Variants in MYO5A observed in about 807,000 individuals in gnomAD.
MYO5A encodes myosin VA.
In MYO5A, 98 loss-of-function variants were observed where a neutral mutation model predicts 249.7. The ratio of observed to expected loss-of-function variants is 0.39; its 90% CI spans 0.33 to 0.46. The LOEUF (loss-of-function observed/expected upper bound fraction) is 0.46. Ranked by LOEUF, MYO5A falls within the 20% of genes least tolerant of loss-of-function variation. The pLI is 0.98. For missense variants in MYO5A, 1,696 were observed against 2,308.8 expected, an observed-to-expected ratio of 0.73 and a Z score of 5.44; for synonymous variants, 778 against 810.6, an observed-to-expected ratio of 0.96 and a Z score of 0.68.
chr15:52,424,774 CTAT>C (rs1165471177), intron 4 of MYO5A, among the ~76,000 whole-genome samples: 3 of 152,122 alleles, frequency 2.0e-5, no homozygotes, highest in Non-Finnish European at 1.5e-5. Context: ...TAAACTTAAA[CTAT>C]TCTTCTACAC....
intron 5 of MYO5A, among the ~76,000 whole-genome samples, chr15:52,414,278 G>C (rs2043377515): frequency 6.6e-6 from 1 of 152,158 alleles, no homozygotes; most frequent in Non-Finnish European, 1.5e-5. Context: ...GCAGATGCCA[G>C]AGCCATGCTT....
intron 1 of MYO5A, chr15:52,505,041 T>A: frequency 2.0e-6 from 1 of 502,506 alleles, no homozygotes; most frequent in South Asian, 2.2e-5. Context: ...TCCCATTATC[T>A]TCGGGAGCTG....
intron 14 of MYO5A, among the ~76,000 whole-genome samples, chr15:52,386,981 A>G (rs1365266592): frequency 6.6e-6 from 1 of 152,266 alleles, no homozygotes; most frequent in Non-Finnish European, 1.5e-5. Context: ...CACTGAAGTT[A>G]AAAAGATTCT....
intron 2 of MYO5A, 34 bp from the exon 3 acceptor site, chr15:52,428,603 T>C (rs1432269813): frequency 6.2e-7 from 1 of 1,610,846 alleles, no homozygotes; most frequent in East Asian, 2.2e-5. Context: ...TCTGGATGAA[T>C]TATGGCAAGG....
In MYO5A at chr15:52,313,643, G is replaced by A; in HGVS notation, c.*53C>T. On this transcript the variant is annotated 3_prime_UTR_variant, in exon 42 of 42. Transcript: ENST00000399233. ...TTTCAGTAACTCACTGGAAATAATG[G>A]GTTCTTATTTCGGGCAAGAAATGTA... The A allele has an allele frequency of 6.3e-7, 1 of 1,590,954 alleles. No individual in the cohort carries two copies. Among genetic ancestry groups the A allele is most frequent in the Non-Finnish European group, 8.6e-7 (1 of 1,159,422 alleles).
At chr15:52,527,310 C>T (rs2077746116) in intron 1 of MYO5A, among the ~76,000 whole-genome samples, 1 of 152,218 alleles carries the variant, frequency 6.6e-6, no homozygotes, top group African/African-American at 2.4e-5. Context: ...GTACCTGGCA[C>T]ATAGCAAGCA....
chr15:52,350,025 C>T (rs939697969), intron 28 of MYO5A, among the ~76,000 whole-genome samples: 3 of 152,248 alleles, frequency 2.0e-5, no homozygotes, highest in African/African-American at 7.2e-5. Context: ...CTCCGCCTCC[C>T]AGGTTCACGC....
chr15:52,433,753 A>G (rs1319674996), intron 1 of MYO5A, among the ~76,000 whole-genome samples: 1 of 152,096 alleles, frequency 6.6e-6, no homozygotes, highest in African/African-American at 2.4e-5. Flanking sequence ...TAAACAAAAA[A>G]TATTTTAGCT....
rs112744755 is a variant in MYO5A at position 52,485,003 on chromosome 15, T to G, written c.27+43777A>C. ...TCCCAAAGTGCTGGGATTACAGGTG[T>G]AAGCCACCGCACCCAGCCTCAATGT... On this transcript the variant is annotated intron_variant, in intron 1 of 41. Coordinates refer to ENST00000399233, the MANE Select transcript of MYO5A (RefSeq NM_001382347.1). 8.1e-4 allele frequency among the ~76,000 whole-genome samples: 123 copies of G among 152,268 alleles called. 1 individual carries two copies. Among genetic ancestry groups the G allele is most frequent in the African/African-American group, 2.7e-3 (114 of 41,562 alleles).
At chr15:52,405,253 A>G (rs1567094870) in intron 9 of MYO5A, 34 bp downstream of exon 9, 1 of 1,440,868 alleles carries the variant, frequency 6.9e-7, no homozygotes, top group East Asian at 2.3e-5. Context: ...ACATAATTCA[A>G]CTGCCATCCC....
At chr15:52,505,524 T>C in intron 1 of MYO5A, 3 of 1,547,224 alleles carry the variant, frequency 1.9e-6, no homozygotes, top group Non-Finnish European at 2.7e-6. Context: ...AGGAAGAAAG[T>C]GAAGAAGCAA....
intron 5 of MYO5A, 53 bp downstream of exon 5, chr15:52,416,092 C>A: frequency 6.2e-7 from 1 of 1,601,912 alleles, no homozygotes; most frequent in Non-Finnish European, 8.6e-7. Flanking sequence ...ATTTTTTGAG[C>A]ATGTTTCTTA....
At chr15:52,323,072 G>A (rs897866476) in intron 37 of MYO5A, among the ~76,000 whole-genome samples, 10 of 152,062 alleles carry the variant, frequency 6.6e-5, no homozygotes, top group Admixed American at 2.6e-4. Flanking sequence ...CTCTTGAAAT[G>A]CCCACTAAAA....
chr15:52,478,207 G>A (rs566254027), intron 1 of MYO5A, among the ~76,000 whole-genome samples: 14 of 152,344 alleles, frequency 9.2e-5, no homozygotes, highest in African/African-American at 2.4e-4. Flanking sequence ...GGGACCCTCC[G>A]AGCCAGGCGC....
At chr15:52,323,191 C>T (rs1228277154) in intron 37 of MYO5A, among the ~76,000 whole-genome samples, 164 bp downstream of exon 37, 1 of 152,250 alleles carries the variant, frequency 6.6e-6, no homozygotes, top group Non-Finnish European at 1.5e-5. Flanking sequence ...TTCTCCAAAT[C>T]ACTGCTTCAT....
At position 52,367,152 on chromosome 15, in the gene MYO5A, G is replaced by A. The variant is rs180723851; in HGVS notation, c.3067-28C>T. The A allele has an allele frequency of 4.0e-5, 63 of 1,580,044 alleles. No individual in the cohort carries two copies. The African/African-American group carries it at 7.3e-4, about 18-fold the overall frequency. ...ACGAAATGAAACAATAAACTGAGAT[G>A]GTTGCAATGGACAGAGGAAGCCTGA... On this transcript the variant is annotated intron_variant, in intron 22 of 41. Transcript: ENST00000399233.
chr15:52,450,843 G>GTTTTTTGTTTTTTTTT (rs769982056), intron 1 of MYO5A, among the ~76,000 whole-genome samples: 51 of 84,564 alleles, frequency 6.0e-4, no homozygotes, highest in East Asian at 1.9e-3. Context: ...CACTACTGTG[G>GTTTTTTGTTTTTTTTT]TTTTTTTTTT....
In MYO5A at chr15:52,328,019, AAAT is replaced by A; in HGVS notation, c.4556-16_4556-14del. 6.2e-7 allele frequency: 1 copy of A among 1,605,770 alleles called. No homozygotes were observed. Among genetic ancestry groups the A allele is most frequent in the Non-Finnish European group, 8.5e-7 (1 of 1,173,446 alleles). ...CGTGGCTTCAGTTCTAAAAAAGAAAAAATAATAATTTTATATAACATGGAAAAT... is the reference window on the plus strand; with the variant it reads ...CGTGGCTTCAGTTCTAAAAAAGAAAAAATAATTTTATATAACATGGAAAAT... On this transcript the variant is annotated splice_polypyrimidine_tract_variant and intron_variant, in intron 35 of 41. Coordinates refer to ENST00000399233, the MANE Select transcript of MYO5A (RefSeq NM_001382347.1).
chr15:52,446,117 C>T (rs908089624), intron 1 of MYO5A, among the ~76,000 whole-genome samples: 8 of 152,192 alleles, frequency 5.3e-5, no homozygotes, highest in Non-Finnish European at 1.0e-4. Flanking sequence ...GGGGAAAAGG[C>T]CTGGAAGGCA....
Sources: gnomAD v4.1 joint callset for allele counts (sites outside exome capture counted in the v4.1 genomes callset) on GRCh38, gnomAD v4.1.1 for gene constraint, MANE v1.5 for transcripts, NCBI Gene and HGNC (gene_info 2026-07-23, HGNC 2026-07-21) for gene names.